The following CYB5RL variants were observed in gnomAD, a reference collection of about 807,000 sequenced individuals.
CYB5RL encodes the protein NADH-cytochrome b5 reductase-like.
Under a neutral mutation model 37.5 loss-of-function variants are expected in CYB5RL, and 38 were observed. That is an observed-to-expected ratio of 1.01 (90% CI 0.78 to 1.33). CYB5RL has a LOEUF of 1.33. Among genes scored for constraint, CYB5RL ranks in the 40% most tolerant of loss-of-function variants. The pLI, the probability that CYB5RL is intolerant of heterozygous loss-of-function variation, is 0.00. For synonymous variants in CYB5RL, 141 were observed against 151.9 expected (o/e 0.93, Z 0.53); for missense variants, 388 against 394.4 (o/e 0.98, Z 0.14).
intron 7 of CYB5RL, among the ~76,000 whole-genome samples, chr1:54,177,697 G>A (rs939730771): frequency 6.6e-6 from 1 of 152,214 alleles, no homozygotes; most frequent in African/African-American, 2.4e-5. Flanking sequence ...AGCCTCATAA[G>A]ATTGTGGTGG....
intron 6 of CYB5RL, among the ~76,000 whole-genome samples, chr1:54,183,486 TGAG>T (rs1055138126): frequency 6.6e-6 from 1 of 152,144 alleles, no homozygotes; most frequent in African/African-American, 2.4e-5. Flanking sequence ...GCCAGGATGA[TGAG>T]GAGAAGAGCC....
intron 7 of CYB5RL, among the ~76,000 whole-genome samples, 182 bp from the exon 8 acceptor site, chr1:54,175,004 T>C (rs1031167667): frequency 2.0e-5 from 3 of 151,996 alleles, no homozygotes; most frequent in Admixed American, 6.5e-5. Flanking sequence ...CTGTGAGAAC[T>C]ATCACCCTCC....
chr1:54,193,501 A>G (rs1251155351), intron 3 of CYB5RL, among the ~76,000 whole-genome samples: 1 of 152,114 alleles, frequency 6.6e-6, no homozygotes, highest in Non-Finnish European at 1.5e-5. Flanking sequence ...AAGCCAGAGC[A>G]CTCTAGTCCC....
At chr1:54,188,595 T>C (rs1643922836) in intron 4 of CYB5RL, among the ~76,000 whole-genome samples, 1 of 152,202 alleles carries the variant, frequency 6.6e-6, no homozygotes, top group African/African-American at 2.4e-5. Flanking sequence ...ATTAAATGCA[T>C]ACATGTATCA....
Position 54,182,159 on chromosome 1 carries a change from C to T in CYB5RL, c.540+2002G>A, listed in dbSNP as rs139801269. ...GGGATGCAGGGTCTAAAATGCAAGG[C>T]TAAGCATGGTTAGTACTAGAAGAAT... On this transcript the variant is annotated intron_variant, in intron 6 of 7. Coordinates refer to ENST00000534324, the MANE Select transcript of CYB5RL (RefSeq NM_001031672.4). Among the ~76,000 whole-genome samples the T allele has an allele frequency of 2.3e-3, 347 of 152,288 alleles. 3 individuals are homozygous for T. Among genetic ancestry groups the T allele is most frequent in the Non-Finnish European group, 3.1e-4 (21 of 68,024 alleles).
At chr1:54,195,366 A>G (rs1449184273) in intron 3 of CYB5RL, 53 bp downstream of exon 3, 1 of 1,492,712 alleles carries the variant, frequency 6.7e-7, no homozygotes, top group African/African-American at 1.4e-5. Flanking sequence ...TTGCAGGGCC[A>G]AGGCAAGTAG....
At position 54,195,511 on chromosome 1, in the gene CYB5RL, AG is replaced by A. The variant is rs1002504768; in HGVS notation, c.105del (p.Cys36ValfsTer37). On this transcript the variant is annotated frameshift_variant, in exon 3 of 8. Transcript: ENST00000534324. LOFTEE classifies it high-confidence loss of function. The stretch of plus-strand genomic sequence containing the variant: ...TCTCGGTGATAGAGGTCAAACACAC[AG>A]GGTGAGCAGCCACTGCCGCAGCACT... ...PSQCCGSGCS[P>X]CVFDLYHRDL... is the part of the protein sequence containing the mutation. The A allele has an allele frequency of 4.8e-5, 77 of 1,613,368 alleles. No individual in the cohort carries two copies. The Admixed American group carries it at 1.0e-3, about 21-fold the overall frequency.
chr1:54,186,269 G>C (rs573273927), intron 5 of CYB5RL: 1 of 152,256 alleles, frequency 6.6e-6, no homozygotes, highest in Admixed American at 6.5e-5. Context: ...TCATCTTTTT[G>C]AGCTTCAGTT....
chr1:54,182,255 G>A (rs574459117), intron 6 of CYB5RL, among the ~76,000 whole-genome samples: 1 of 152,208 alleles, frequency 6.6e-6, no homozygotes, highest in Non-Finnish European at 1.5e-5. Flanking sequence ...AAGAGCTGCT[G>A]TGAAGACTAT....
At chr1:54,192,771 T>C (rs562927383) in intron 3 of CYB5RL, among the ~76,000 whole-genome samples, 7 of 152,124 alleles carry the variant, frequency 4.6e-5, no homozygotes, top group African/African-American at 1.7e-4. Flanking sequence ...TTTTTTTTTT[T>C]TTGAGACAGA....
At chr1:54,193,177 T>A (rs1643972314) in intron 3 of CYB5RL, among the ~76,000 whole-genome samples, 1 of 152,224 alleles carries the variant, frequency 6.6e-6, no homozygotes, top group Admixed American at 6.6e-5. Flanking sequence ...TAGTAGATCT[T>A]GGAGAAACAC....
chr1:54,180,952 G>A (rs1034621283), intron 6 of CYB5RL, among the ~76,000 whole-genome samples: 1 of 151,940 alleles, frequency 6.6e-6, no homozygotes, highest in African/African-American at 2.4e-5. Flanking sequence ...GGAGGTTGGG[G>A]CTGTAGTGAA....
intron 7 of CYB5RL, among the ~76,000 whole-genome samples, chr1:54,177,441 C>T (rs757900975): frequency 6.6e-6 from 1 of 152,158 alleles, no homozygotes; most frequent in Non-Finnish European, 1.5e-5. Flanking sequence ...ACGGAAATGC[C>T]ACCTGCTTGG....
Position 54,184,194 on chromosome 1 carries a change from T to C in CYB5RL, c.507A>G (p.Gly169=). The C allele has an allele frequency of 6.2e-7, 1 of 1,613,564 alleles. No homozygotes were observed. Among genetic ancestry groups the C allele is most frequent in the Non-Finnish European group, 8.5e-7 (1 of 1,179,778 alleles). Residue 169 remains glycine, a synonymous_variant, in exon 6 of 8, where the codon GGA becomes GGG. Coordinates refer to ENST00000534324, the MANE Select transcript of CYB5RL (RefSeq NM_001031672.4). Reference sequence around the variant, plus strand: ...GTTTATAGAAGAAATCTCCGAAAGGTCCTCGCCAGAAAGCTGTGTCTCCTA... The same window carrying C: ...GTTTATAGAAGAAATCTCCGAAAGGCCCTCGCCAGAAAGCTGTGTCTCCTA... ...WRVGDTAFWR[G]PFGDFFYKPN... is the part of the protein sequence containing the mutation.
rs1256279043 is a variant in CYB5RL, at chr1:54,173,323, A to T, written c.*1296T>A. On this transcript the variant is annotated 3_prime_UTR_variant, in exon 8 of 8. Coordinates refer to ENST00000534324, the MANE Select transcript of CYB5RL (RefSeq NM_001031672.4). ...ATAAAAATGCAGCTGCTCTGGTTGA[A>T]GGGGGTACTGGGGATCCATCTGGAG... 1.3e-5 allele frequency: 2 copies of T among 152,222 alleles called. No homozygotes were observed. Among genetic ancestry groups the T allele is most frequent in the Non-Finnish European group, 2.9e-5 (2 of 68,044 alleles). The allele number at this position is 152,222 out of a possible 1,614,324, so 9.4% of individuals were successfully genotyped here. A position where few individuals can be genotyped will look rare whatever the true frequency, so the allele number is the denominator to read the frequency against.
At position 54,173,236 on chromosome 1, in the gene CYB5RL, A is replaced by C. The variant is rs1004030758; in HGVS notation, c.*1383T>G. On this transcript the variant is annotated 3_prime_UTR_variant, in exon 8 of 8. Coordinates refer to ENST00000534324, the MANE Select transcript of CYB5RL (RefSeq NM_001031672.4). ...AGAGAGATTTGTTGCCATTTTTTTT[A>C]GTGGCTAGGAAAATCCTTTTGTACA... 7.2e-5 allele frequency: 11 copies of C among 152,290 alleles called. No individual in the cohort carries two copies. The East Asian group carries it at 7.7e-4, about 11-fold the overall frequency. The allele number at this position is 152,290 out of a possible 1,614,324, so 9.4% of individuals were successfully genotyped here.
intron 6 of CYB5RL, 38 bp downstream of exon 6, chr1:54,184,123 A>C: frequency 6.4e-7 from 1 of 1,574,180 alleles, no homozygotes. Flanking sequence ...ACCACAGTCA[A>C]CAGGGATCTC....
chr1:54,186,338 A>C (rs892001547), intron 5 of CYB5RL: 3 of 152,168 alleles, frequency 2.0e-5, no homozygotes, highest in African/African-American at 7.2e-5. Flanking sequence ...ATGAGGTTGA[A>C]ATGAGATAAT....
At chr1:54,183,889 C>T (rs942891901) in intron 6 of CYB5RL, among the ~76,000 whole-genome samples, 42 of 152,178 alleles carry the variant, frequency 2.8e-4, no homozygotes, top group Admixed American at 2.4e-3. Context: ...GCAGGAGAAT[C>T]GCTTGAACCT....
Sources: gnomAD v4.1 joint callset for allele counts (sites outside exome capture counted in the v4.1 genomes callset) on GRCh38, gnomAD v4.1.1 for gene constraint, MANE v1.5 for transcripts, NCBI Gene and HGNC (gene_info 2026-07-23, HGNC 2026-07-21) for gene names.